The following FRMPD2 variants were observed in gnomAD, a reference collection of about 807,000 sequenced individuals.
FRMPD2 encodes FERM and PDZ domain-containing protein 2.
FRMPD2 carries 96 observed loss-of-function variants against 140.1 expected under a neutral mutation model. The ratio of observed to expected loss-of-function variants is 0.69; its 90% CI spans 0.58 to 0.81. FRMPD2 has a LOEUF of 0.81. Among genes scored for constraint, FRMPD2 ranks in the 40% least tolerant of loss-of-function variants. The probability of loss-of-function intolerance (pLI) is 0.00; values close to 1 mark genes in which losing one functional copy is unlikely to be tolerated. For missense variants in FRMPD2, 1,240 were observed against 1,447.4 expected (o/e 0.86, Z 2.32); for synonymous variants, 449 against 547.6 (o/e 0.82, Z 2.52).
At chr10:48,250,777 A>G (rs1387864837) in intron 2 of FRMPD2, among the ~76,000 whole-genome samples, 1 of 149,710 alleles carries the variant, frequency 6.7e-6, no homozygotes, top group African/African-American at 2.5e-5. Context: ...CCCTGTTTAG[A>G]ACACAGAGTA....
chr10:48,262,959 AT>A (rs1308719218), intron 1 of FRMPD2, among the ~76,000 whole-genome samples: 4 of 151,798 alleles, frequency 2.6e-5, no homozygotes, highest in Admixed American at 1.3e-4. Flanking sequence ...GATTTCTCTC[AT>A]GGAGATTTGG....
At chr10:48,211,655 G>T (rs558087553) in intron 13 of FRMPD2, among the ~76,000 whole-genome samples, 1 of 152,044 alleles carries the variant, frequency 6.6e-6, no homozygotes, top group South Asian at 2.1e-4. Context: ...GGTGGCAGGC[G>T]CCTGTAATCC....
At chr10:48,216,438 C>G (rs144313871) in intron 12 of FRMPD2, among the ~76,000 whole-genome samples, 5 of 152,272 alleles carry the variant, frequency 3.3e-5, no homozygotes, top group African/African-American at 9.6e-5. Flanking sequence ...AGAGACTCTG[C>G]TGGACTGACT....
At chr10:48,212,169 A>C in intron 12 of FRMPD2, 60 bp from the exon 13 acceptor site, 1 of 1,542,738 alleles carries the variant, frequency 6.5e-7, no homozygotes, top group South Asian at 1.2e-5. Context: ...GGACTCTGAG[A>C]GGAATGAAAA....
chr10:48,259,618 A>G (rs973853206), intron 1 of FRMPD2, among the ~76,000 whole-genome samples: 1 of 149,574 alleles, frequency 6.7e-6, no homozygotes, highest in African/African-American at 2.6e-5. Context: ...CCAGTAGTAC[A>G]TGAATGTGTG....
chr10:48,267,005 C>A (rs1191461916), intron 1 of FRMPD2, among the ~76,000 whole-genome samples: 1 of 150,970 alleles, frequency 6.6e-6, no homozygotes, highest in Non-Finnish European at 1.5e-5. Flanking sequence ...TCAAGAGAGA[C>A]TGAGTGGGGG....
intron 13 of FRMPD2, among the ~76,000 whole-genome samples, chr10:48,209,935 A>G (rs1416274781): frequency 6.6e-6 from 1 of 152,202 alleles, no homozygotes; most frequent in Admixed American, 6.5e-5. Context: ...AAGTTTTCAA[A>G]TGTTTAGATC....
intron 1 of FRMPD2, among the ~76,000 whole-genome samples, chr10:48,265,302 A>G (rs184676159): frequency 3.3e-4 from 51 of 152,334 alleles, no homozygotes; most frequent in African/African-American, 1.1e-3. Flanking sequence ...GGACACAGGC[A>G]CTGGCAAAGA....
chr10:48,184,733 G>T lies in FRMPD2; in HGVS notation c.2467+41C>A, dbSNP rs781329728. 109 of 1,597,394 alleles carry T rather than the reference G, an allele frequency of 6.8e-5. 2 individuals are homozygous for T. The Middle Eastern group carries it at 9.3e-3, about 137-fold the overall frequency. ...TCCTTCAAGGAAATAAAAAAGAGTG[G>T]TTTCTTAAAACAGCATCTCTAGTAA... On this transcript the variant is annotated intron_variant, in intron 19 of 28. Transcript: ENST00000374201.
chr10:48,274,749 C>A, upstream of FRMPD2: 4 of 614,954 alleles, frequency 6.5e-6, no homozygotes, highest in Non-Finnish European at 8.8e-6. Flanking sequence ...GGCCCCTTCC[C>A]TTTCCTGCCA....
intron 12 of FRMPD2, among the ~76,000 whole-genome samples, chr10:48,218,738 T>C (rs1302880621): frequency 6.6e-6 from 1 of 152,022 alleles, no homozygotes; most frequent in African/African-American, 2.4e-5. Flanking sequence ...GAAAGGCAAA[T>C]GTGACAGAGG....
chr10:48,204,193 A>G (rs547314763), intron 14 of FRMPD2, among the ~76,000 whole-genome samples: 1 of 152,320 alleles, frequency 6.6e-6, no homozygotes, highest in African/African-American at 2.4e-5. Context: ...ATCAGAAATG[A>G]AAAACTATAA....
Position 48,243,213 on chromosome 10 carries a change from G to A in FRMPD2, c.376-861C>T, listed in dbSNP as rs116821297. The stretch of plus-strand genomic sequence containing the variant: ...AAAATAATGGTGTGATGAGAGAGAC[G>A]GTCACTAAAAGAGACAAAGACCATA... On this transcript the variant is annotated intron_variant, in intron 4 of 28. Transcript: ENST00000374201. 8.8e-3 allele frequency among the ~76,000 whole-genome samples: 1,338 copies of A among 152,206 alleles called. 17 individuals carry two copies. Among genetic ancestry groups the A allele is most frequent in the African/African-American group, 0.03 (1,254 of 41,516 alleles).
chr10:48,257,268 T>A (rs1408950496), intron 1 of FRMPD2, among the ~76,000 whole-genome samples: 2 of 151,906 alleles, frequency 1.3e-5, no homozygotes, highest in African/African-American at 4.8e-5. Context: ...TTTATTTTTT[T>A]ATTTTATTTA....
chr10:48,205,686 G>GA (rs1203125317), intron 14 of FRMPD2, among the ~76,000 whole-genome samples: 9 of 151,648 alleles, frequency 5.9e-5, no homozygotes, highest in Non-Finnish European at 1.3e-4. Context: ...AAAATAATTT[G>GA]AAAAAAAGTC....
Position 48,233,914 on chromosome 10 carries a change from C to T in FRMPD2, c.994-1625G>A, listed in dbSNP as rs536857898. 2.0e-5 allele frequency among the ~76,000 whole-genome samples: 3 copies of T among 152,318 alleles called. No homozygotes were observed. In the South Asian group the frequency reaches 6.2e-4, roughly 32 times the overall value. ...CCCATGCAGGCACACGCACCCAAGG[C>T]ATGTCAGAGCAACCATGACAGTGGC... On this transcript the variant is annotated intron_variant, in intron 9 of 28. Coordinates refer to ENST00000374201, the MANE Select transcript of FRMPD2 (RefSeq NM_001018071.4).
chr10:48,255,260 C>T (rs1475271895), intron 1 of FRMPD2, among the ~76,000 whole-genome samples: 1 of 152,170 alleles, frequency 6.6e-6, no homozygotes, highest in East Asian at 1.9e-4. Context: ...CTTCTTTGGG[C>T]CCTTTCCAAT....
chr10:48,268,298 A>G (rs1840712165), intron 1 of FRMPD2, among the ~76,000 whole-genome samples: 1 of 152,252 alleles, frequency 6.6e-6, no homozygotes, highest in South Asian at 2.1e-4. Flanking sequence ...TAAGTGGTAC[A>G]GCCACTTCAG....
intron 1 of FRMPD2, among the ~76,000 whole-genome samples, chr10:48,257,497 C>G (rs1023577571): frequency 1.3e-5 from 2 of 152,104 alleles, no homozygotes; most frequent in African/African-American, 4.8e-5. Context: ...CCAGGCTAGT[C>G]TCTAACTCCT....
Sources: allele counts gnomAD v4.1 joint callset (sites outside exome capture counted in the v4.1 genomes callset), GRCh38; gene constraint gnomAD v4.1.1; transcripts MANE v1.5; gene names NCBI Gene and HGNC (gene_info 2026-07-23, HGNC 2026-07-21).